Variants in CRYL1 observed in about 807,000 individuals in gnomAD.
CRYL1 encodes crystallin lambda 1, also known as lambda-crystallin homolog.
CRYL1 carries 29 observed loss-of-function variants against 36.6 expected under a neutral mutation model. The observed-to-expected ratio is 0.79, with a 90% CI of 0.59 to 1.08. The LOEUF is 1.08. CRYL1 is among the 50% of genes least tolerant of loss of function. CRYL1 has a pLI of 0.00. For missense variants in CRYL1, 411 were observed against 407.9 expected (o/e 1.01, Z -0.06); for synonymous variants, 152 against 151.5 (o/e 1.00, Z -0.02).
intron 6 of CRYL1, among the ~76,000 whole-genome samples, chr13:20,408,239 C>G (rs965701494): frequency 6.6e-6 from 1 of 152,138 alleles, no homozygotes; most frequent in African/African-American, 2.4e-5. Context: ...AAGTCCCCGC[C>G]CATCAGCTCA....
chr13:20,508,624 A>ATC (rs1314425147), intron 2 of CRYL1, among the ~76,000 whole-genome samples: 1 of 152,046 alleles, frequency 6.6e-6, no homozygotes, highest in East Asian at 1.9e-4. Flanking sequence ...AGATGGGTGG[A>ATC]TCACGAGGTC....
chr13:20,494,061 T>G (rs1408245876), intron 2 of CRYL1, among the ~76,000 whole-genome samples: 2 of 152,244 alleles, frequency 1.3e-5, no homozygotes, highest in African/African-American at 4.8e-5. Flanking sequence ...ACAACACATT[T>G]GAATTTTTCA....
intron 5 of CRYL1, among the ~76,000 whole-genome samples, chr13:20,413,944 G>A (rs1029550514): frequency 2.6e-5 from 4 of 152,106 alleles, no homozygotes; most frequent in Non-Finnish European, 4.4e-5. Context: ...GGAGGCTGAG[G>A]TGGGGGATCA....
At chr13:20,520,043 G>T (rs1468495592) in intron 1 of CRYL1, among the ~76,000 whole-genome samples, 1 of 152,160 alleles carries the variant, frequency 6.6e-6, no homozygotes, top group Non-Finnish European at 1.5e-5. Context: ...TCCAGAGAAG[G>T]GAGAATAACT....
intron 1 of CRYL1, among the ~76,000 whole-genome samples, chr13:20,522,911 CTTTTTTTTTTTTT>C (rs386378385): frequency 7.2e-5 from 6 of 82,956 alleles, no homozygotes; most frequent in Admixed American, 6.1e-4. Context: ...CCCATTTCTA[CTTTTTTTTTTTTT>C]TTTTTTTTTT....
In CRYL1 at chr13:20,439,514, C is replaced by CAAAAAAAAAAAAAAAAA. The variant is rs56087130; in HGVS notation, c.438+78_438+79insTTTTTTTTTTTTTTTTT. Reference sequence around the variant, plus strand: ...ACAAGTTATTGACCCCCCTCCCCCGCAAAAAAAAAAAAAAAAGAAAAAAAA... The same window carrying CAAAAAAAAAAAAAAAAA: ...ACAAGTTATTGACCCCCCTCCCCCGCAAAAAAAAAAAAAAAAAAAAAAAAAAAAAAAAAGAAAAAAAA... On this transcript the variant is annotated intron_variant, in intron 4 of 7. Coordinates refer to ENST00000298248, the MANE Select transcript of CRYL1 (RefSeq NM_015974.3). 1.9e-4 allele frequency: 64 copies of CAAAAAAAAAAAAAAAAA among 331,794 alleles called. 2 individuals are homozygous for CAAAAAAAAAAAAAAAAA. The highest frequency in any genetic ancestry group is 7.6e-4 in the East Asian group (9 of 11,864). The allele number at this position is 331,794 out of a possible 1,614,324, so 20.6% of individuals were successfully genotyped here. A position where few individuals can be genotyped will look rare whatever the true frequency, so the allele number is the denominator to read the frequency against.
At chr13:20,424,020 T>C (rs1421206373) in intron 5 of CRYL1, among the ~76,000 whole-genome samples, 1 of 151,994 alleles carries the variant, frequency 6.6e-6, no homozygotes. Flanking sequence ...TCCCCTGCCT[T>C]GGATTCCGAA....
At chr13:20,409,119 C>A (rs1433861045) in intron 6 of CRYL1, among the ~76,000 whole-genome samples, 1 of 151,994 alleles carries the variant, frequency 6.6e-6, no homozygotes, top group Non-Finnish European at 1.5e-5. Context: ...GCTACAGTAA[C>A]CAAAACAGCA....
At chr13:20,447,375 C>T (rs2032478362) in intron 3 of CRYL1, among the ~76,000 whole-genome samples, 2 of 152,036 alleles carry the variant, frequency 1.3e-5, no homozygotes, top group Admixed American at 1.3e-4. Flanking sequence ...GAAATAAAAA[C>T]CTTTATCCCT....
At chr13:20,482,787 G>A (rs985797287) in intron 3 of CRYL1, among the ~76,000 whole-genome samples, 8 of 152,136 alleles carry the variant, frequency 5.3e-5, no homozygotes, top group Non-Finnish European at 1.0e-4. Context: ...GCACACACGC[G>A]TCTCCTCAAA....
intron 2 of CRYL1, chr13:20,502,586 A>G (rs747276859): frequency 6.6e-6 from 1 of 152,034 alleles, no homozygotes; most frequent in Admixed American, 6.6e-5. Flanking sequence ...TCCCGGGAAG[A>G]GGAGCTTGCA....
chr13:20,411,129 G>A (rs1593426402), intron 6 of CRYL1, among the ~76,000 whole-genome samples: 1 of 152,232 alleles, frequency 6.6e-6, no homozygotes, highest in African/African-American at 2.4e-5. Context: ...CAGAAAAGAA[G>A]AAAAATTCTC....
intron 3 of CRYL1, among the ~76,000 whole-genome samples, chr13:20,458,106 G>A (rs930280225): frequency 1.3e-5 from 2 of 152,154 alleles, no homozygotes; most frequent in Non-Finnish European, 2.9e-5. Context: ...AGATAATACT[G>A]TATGTCATCT....
chr13:20,505,446 G>A lies in CRYL1; in HGVS notation c.149+6997C>T, dbSNP rs574227434. On this transcript the variant is annotated intron_variant, in intron 2 of 7. Coordinates refer to ENST00000298248, the MANE Select transcript of CRYL1 (RefSeq NM_015974.3). ...AGACGGTGAGAAAAAAGTGTATGAG[G>A]AATATGACTGGAAACATTACCTTCG... Among the ~76,000 whole-genome samples the A allele has an allele frequency of 1.0e-3, 152 of 151,284 alleles. 3 individuals carry two copies. Among genetic ancestry groups the A allele is most frequent in the Middle Eastern group, 3.6e-3 (1 of 280 alleles).
chr13:20,456,606 AC>A, intron 3 of CRYL1, among the ~76,000 whole-genome samples: 2 of 15,272 alleles, frequency 1.3e-4, no homozygotes, highest in Non-Finnish European at 3.1e-4. Flanking sequence ...GATTCTTAAA[AC>A]ACACACACAC....
intron 3 of CRYL1, among the ~76,000 whole-genome samples, chr13:20,448,897 G>A (rs1163048669): frequency 6.6e-6 from 1 of 152,218 alleles, no homozygotes; most frequent in East Asian, 1.9e-4. Flanking sequence ...ACTGGGCGTG[G>A]TGGCTCATGC....
At chr13:20,405,858 C>T (rs2031357812) in intron 6 of CRYL1, 1 of 152,348 alleles carries the variant, frequency 6.6e-6, no homozygotes, top group African/African-American at 2.4e-5. Context: ...TCACGGCCCC[C>T]ACCCAGCACT....
At position 20,425,907 on chromosome 13, in the gene CRYL1, G is replaced by A. The variant is rs2031923031; in HGVS notation, c.633+6195C>T. Among the ~76,000 whole-genome samples the A allele has an allele frequency of 6.6e-6, 1 of 152,142 alleles. No individual in the cohort carries two copies. The highest frequency in any genetic ancestry group is 2.1e-4 in the South Asian group (1 of 4,830). ...CAGTCGGCAGGCAGGATACACCCAAGCACAGGCATTCAGCTACAATCAGCT... is the reference window on the plus strand; with the variant it reads ...CAGTCGGCAGGCAGGATACACCCAAACACAGGCATTCAGCTACAATCAGCT... On this transcript the variant is annotated intron_variant, in intron 5 of 7. Coordinates refer to ENST00000298248, the MANE Select transcript of CRYL1 (RefSeq NM_015974.3). This position sits in a 1 kb window ranked among gnomAD's most constrained non-coding sequence, Gnocchi z 4.4.
intron 2 of CRYL1, among the ~76,000 whole-genome samples, chr13:20,501,161 C>G (rs2033696969): frequency 6.6e-6 from 1 of 152,206 alleles, no homozygotes; most frequent in Non-Finnish European, 1.5e-5. Context: ...CTTGGCTGTA[C>G]TCATCATTTC....
Sources: allele counts gnomAD v4.1 joint callset (sites outside exome capture counted in the v4.1 genomes callset), GRCh38; gene constraint gnomAD v4.1.1; non-coding constraint Gnocchi (gnomAD v3.1); transcripts MANE v1.5; gene names NCBI Gene and HGNC (gene_info 2026-07-23, HGNC 2026-07-21).